The following CFAP97 variants were observed in gnomAD, a reference collection of about 807,000 sequenced individuals.
The protein encoded by CFAP97 is cilia- and flagella-associated protein 97.
A neutral mutation model predicts 43.1 loss-of-function variants in CFAP97; 36 were observed. The ratio of observed to expected loss-of-function variants is 0.84; its 90% CI spans 0.64 to 1.10. The LOEUF (loss-of-function observed/expected upper bound fraction) is 1.10, where lower values mean the gene tolerates loss of function less well. CFAP97 is among the 50% of genes least tolerant of loss of function. CFAP97 has a pLI of 0.00. For synonymous variants in CFAP97, 228 were observed against 225.7 expected (o/e 1.01, Z -0.09); for missense variants, 657 against 620.3 (o/e 1.06, Z -0.63).
At chr4:185,168,418 C>T (rs1400453595) in intron 3 of CFAP97, among the ~76,000 whole-genome samples, 2 of 151,268 alleles carry the variant, frequency 1.3e-5, no homozygotes, top group Non-Finnish European at 2.9e-5. Flanking sequence ...ACCAGCCTGG[C>T]CAACATGGTA....
chr4:185,167,296 G>A (rs1024327213), intron 3 of CFAP97, among the ~76,000 whole-genome samples: 2 of 151,930 alleles, frequency 1.3e-5, no homozygotes, highest in African/African-American at 2.4e-5. Context: ...GCGAGACCCC[G>A]TCTCTTACAA....
chr4:185,183,270 TC>T (rs1261178407), intron 2 of CFAP97, among the ~76,000 whole-genome samples: 1 of 152,142 alleles, frequency 6.6e-6, no homozygotes, highest in Non-Finnish European at 1.5e-5. Flanking sequence ...TGTACTGAAG[TC>T]CGTGAAAATG....
chr4:185,182,713 T>G (rs954876721), intron 2 of CFAP97, among the ~76,000 whole-genome samples: 1 of 152,236 alleles, frequency 6.6e-6, no homozygotes, highest in African/African-American at 2.4e-5. Flanking sequence ...GTCTCGTCAT[T>G]CCATGCCCTA....
chr4:185,187,736 A>G (rs1014071745), intron 2 of CFAP97, among the ~76,000 whole-genome samples: 2 of 151,176 alleles, frequency 1.3e-5, no homozygotes, highest in South Asian at 2.1e-4. Flanking sequence ...GTTGTCACCA[A>G]TCTCAACAGC....
chr4:185,169,807 A>G, intron 3 of CFAP97: 4 of 985,454 alleles, frequency 4.1e-6, no homozygotes, highest in Non-Finnish European at 4.8e-6. Flanking sequence ...TGCTCTCTAC[A>G]TTTCAACAGT....
chr4:185,205,237 C>G (rs3108243), upstream of CFAP97, among the ~76,000 whole-genome samples: 1 of 151,984 alleles, frequency 6.6e-6, no homozygotes, highest in Non-Finnish European at 1.5e-5. Flanking sequence ...GGGTGGGGCC[C>G]CCTGAGAGGA....
upstream of CFAP97, chr4:185,209,651 C>T: frequency 1.3e-6 from 1 of 796,434 alleles, no homozygotes; most frequent in Non-Finnish European, 1.5e-6. This position sits in a 1 kb window ranked among gnomAD's most constrained non-coding sequence, Gnocchi z 5.2. Context: ...GCTACGGGCC[C>T]AGCGCCTGGT....
chr4:185,205,141 C>G (rs991117691), upstream of CFAP97, among the ~76,000 whole-genome samples: 4 of 152,192 alleles, frequency 2.6e-5, no homozygotes, highest in African/African-American at 7.2e-5. Flanking sequence ...AAAGTATAAT[C>G]AATTCTCTTT....
rs995836401 is a variant in CFAP97, at chr4:185,160,919, T to C, written c.*1879A>G. On this transcript the variant is annotated 3_prime_UTR_variant, in exon 5 of 5. Coordinates refer to ENST00000458385, the MANE Select transcript of CFAP97 (RefSeq NM_020827.3). ...AAGATTTTTTATATATATAAAAAGA[T>C]TATATATATAAAACATATATATATA... 31 of 147,032 alleles carry C rather than the reference T, an allele frequency of 2.1e-4. No homozygotes were observed. Among genetic ancestry groups the C allele is most frequent in the African/African-American group, 4.4e-4 (18 of 40,812 alleles). The allele number at this position is 147,032 out of a possible 1,614,324, so 9.1% of individuals were successfully genotyped here. A position where few individuals can be genotyped will look rare whatever the true frequency, so the allele number is the denominator to read the frequency against.
chr4:185,189,154 T>TCAGGAGGC (rs1228562625), intron 2 of CFAP97, among the ~76,000 whole-genome samples: 1 of 152,168 alleles, frequency 6.6e-6, no homozygotes, highest in African/African-American at 2.4e-5. Context: ...GGAGGATTAC[T>TCAGGAGGC]TAAGCCCAGG....
intron 1 of CFAP97, among the ~76,000 whole-genome samples, chr4:185,198,943 T>C (rs1736689648): frequency 6.6e-6 from 1 of 152,176 alleles, no homozygotes; most frequent in African/African-American, 2.4e-5. Flanking sequence ...ATGCTAACCA[T>C]CTAGGATTTT....
At chr4:185,166,299 G>A (rs578176330) in intron 3 of CFAP97, among the ~76,000 whole-genome samples, 2 of 152,258 alleles carry the variant, frequency 1.3e-5, no homozygotes, top group East Asian at 1.9e-4. Context: ...TTCTCTACCT[G>A]CAGTTTGTAA....
intron 4 of CFAP97, 136 bp downstream of exon 4, chr4:185,163,893 C>T: frequency 1.3e-6 from 1 of 747,192 alleles, no homozygotes; most frequent in East Asian, 2.8e-5. Context: ...ACAAATAAAA[C>T]AAAACATGAC....
chr4:185,204,984 C>A (rs368271203), upstream of CFAP97, among the ~76,000 whole-genome samples: 11 of 152,306 alleles, frequency 7.2e-5, no homozygotes, highest in East Asian at 2.1e-3. Context: ...GGTATACAAT[C>A]CAGTAGTTAA....
In CFAP97 at chr4:185,161,205, T is replaced by C. The variant is rs1188902468; in HGVS notation, c.*1593A>G. 1.3e-5 allele frequency: 2 copies of C among 152,304 alleles called. No individual in the cohort carries two copies. The highest frequency in any genetic ancestry group is 3.9e-4 in the East Asian group (2 of 5,188). 9.4% of individuals were successfully genotyped at this position (152,304 alleles called of 1,614,324 possible). On this transcript the variant is annotated 3_prime_UTR_variant, in exon 5 of 5. Coordinates refer to ENST00000458385, the MANE Select transcript of CFAP97 (RefSeq NM_020827.3). Reference sequence around the variant, plus strand: ...ATCGAATAACATTGAATGAAAATTATGGCCCCCAAAAGCAGAACCTCAAAG... The same window carrying C: ...ATCGAATAACATTGAATGAAAATTACGGCCCCCAAAAGCAGAACCTCAAAG...
intron 2 of CFAP97, among the ~76,000 whole-genome samples, chr4:185,186,924 C>T (rs550513149): frequency 2.6e-4 from 40 of 152,302 alleles, no homozygotes; most frequent in African/African-American, 8.9e-4. Flanking sequence ...GAGGTTGGTG[C>T]TGGAAATCCA....
upstream of CFAP97, among the ~76,000 whole-genome samples, chr4:185,207,334 A>G (rs914992984): frequency 6.8e-6 from 1 of 146,174 alleles, no homozygotes; most frequent in African/African-American, 2.5e-5. Context: ...CTCCTGCCTC[A>G]GCCTCCCGAG....
At chr4:185,201,673 A>G (rs1471424906) in intron 1 of CFAP97, among the ~76,000 whole-genome samples, 2 of 152,250 alleles carry the variant, frequency 1.3e-5, no homozygotes, top group African/African-American at 4.8e-5. Context: ...TAGTGTAAAC[A>G]TAACTTTTAT....
intron 1 of CFAP97, among the ~76,000 whole-genome samples, chr4:185,202,410 G>C (rs537399960): frequency 6.6e-6 from 1 of 152,258 alleles, no homozygotes; most frequent in Non-Finnish European, 1.5e-5. Context: ...TTAGCCGGGC[G>C]TTGTAGCTCT....
Sources: gnomAD v4.1 joint callset for allele counts (sites outside exome capture counted in the v4.1 genomes callset) on GRCh38, gnomAD v4.1.1 for gene constraint, Gnocchi (gnomAD v3.1) non-coding constraint, MANE v1.5 for transcripts, NCBI Gene and HGNC (gene_info 2026-07-23, HGNC 2026-07-21) for gene names.